PRXL2C: variants seen among roughly 807,000 people sequenced by gnomAD.
PRXL2C encodes peroxiredoxin-like 2C.
Under a neutral mutation model 24.9 loss-of-function variants are expected in PRXL2C, and 38 were observed. The ratio of observed to expected loss-of-function variants is 1.53; its 90% CI spans 1.18 to 2.00. The LOEUF (loss-of-function observed/expected upper bound fraction) is 2.00. PRXL2C is among the 30% of genes most tolerant of loss of function. The pLI, the probability that PRXL2C is intolerant of heterozygous loss-of-function variation, is 0.00. For missense variants in PRXL2C, 294 were observed against 290.9 expected, an observed-to-expected ratio of 1.01 and a Z score of -0.08; for synonymous variants, 98 against 117.2, an observed-to-expected ratio of 0.84 and a Z score of 1.06.
chr9:96,645,224 A>G (rs1036390170), intron 5 of PRXL2C, among the ~76,000 whole-genome samples: 1 of 151,754 alleles, frequency 6.6e-6, no homozygotes, highest in Non-Finnish European at 1.5e-5. Flanking sequence ...CTTTTCTTGA[A>G]AAAAAAGGCA....
chr9:96,645,798 A>G (rs371829650), intron 5 of PRXL2C, 95 bp downstream of exon 5: 3,497 of 307,274 alleles, frequency 0.011, 31 homozygotes, highest in African/African-American at 0.057. Flanking sequence ...CTCCCTCTCG[A>G]AAAAAAAAAA....
At chr9:96,651,211 G>C (rs1848260342) in intron 4 of PRXL2C, among the ~76,000 whole-genome samples, 179 bp downstream of exon 4, 1 of 151,938 alleles carries the variant, frequency 6.6e-6, no homozygotes. Flanking sequence ...CCGGGAGGTG[G>C]AGGTTGCAGT....
chr9:96,642,786 G>A (rs762455827), intron 5 of PRXL2C, among the ~76,000 whole-genome samples: 1 of 151,996 alleles, frequency 6.6e-6, no homozygotes, highest in Admixed American at 6.6e-5. Context: ...CTTGTGATCC[G>A]CCCACCTCGG....
At chr9:96,645,296 T>C (rs1048981431) in intron 5 of PRXL2C, among the ~76,000 whole-genome samples, 1 of 151,192 alleles carries the variant, frequency 6.6e-6, no homozygotes, top group African/African-American at 2.4e-5. Flanking sequence ...AATAGCGGAG[T>C]GTGTGACAGC....
intron 5 of PRXL2C, among the ~76,000 whole-genome samples, chr9:96,645,601 T>C (rs943292983): frequency 2.0e-5 from 3 of 151,576 alleles, no homozygotes; most frequent in African/African-American, 7.3e-5. Flanking sequence ...ACCGAGACCA[T>C]CCTGGCTAAC....
chr9:96,642,914 G>A (rs982789350), intron 5 of PRXL2C, among the ~76,000 whole-genome samples: 3 of 151,956 alleles, frequency 2.0e-5, no homozygotes, highest in Non-Finnish European at 4.4e-5. Context: ...AACAAACCAC[G>A]GATTGAAAAT....
chr9:96,645,845 G>A, intron 5 of PRXL2C, 48 bp downstream of exon 5: 1 of 1,520,808 alleles, frequency 6.6e-7, no homozygotes, highest in Non-Finnish European at 8.8e-7. Context: ...CTCTGAACTT[G>A]TAAAAAGCAC....
chr9:96,647,559 G>A (rs968281573), intron 4 of PRXL2C, among the ~76,000 whole-genome samples: 7 of 152,192 alleles, frequency 4.6e-5, no homozygotes, highest in Non-Finnish European at 8.8e-5. Context: ...GTCATGCTCT[G>A]TTGCTCAGGC....
intron 5 of PRXL2C, among the ~76,000 whole-genome samples, chr9:96,643,241 T>C (rs1848143508): frequency 1.3e-5 from 2 of 151,824 alleles, no homozygotes; most frequent in South Asian, 4.1e-4. Flanking sequence ...ATGTGCTCTT[T>C]CTTCTTTACT....
chr9:96,654,595 G>A (rs1401510345), intron 2 of PRXL2C, 110 bp downstream of exon 2: 20 of 940,800 alleles, frequency 2.1e-5, no homozygotes, highest in Non-Finnish European at 3.1e-5. Context: ...AGAGAGCTGC[G>A]GGGAGGGGCA....
chr9:96,654,772 T>C lies in PRXL2C; in HGVS notation c.194A>G (p.His65Arg), dbSNP rs1848327106. The stretch of plus-strand genomic sequence containing the variant: ...TTCCTTGCAGATGTAACACAGGAAA[T>C]GCTGAAAGCCAAAACGGCAGAAAGG... ...ERRAVVVFVRHFLCYICKEYV... is the reference protein window; with the variant it reads ...ERRAVVVFVRRFLCYICKEYV... The change falls in exon 2 of 6, where the codon CAT becomes CGT. Residue 65 changes from histidine (H) to arginine (R), a missense_variant and splice_region_variant. By Grantham distance (29) the His-to-Arg change is conservative. Coordinates refer to ENST00000375234, the MANE Select transcript of PRXL2C (RefSeq NM_153698.2). 1 of 1,561,034 alleles carries C rather than the reference T, an allele frequency of 6.4e-7. No individual in the cohort carries two copies. The highest frequency in any genetic ancestry group is 1.2e-5 in the South Asian group (1 of 84,582).
chr9:96,642,014 T>A, intron 5 of PRXL2C, 128 bp from the exon 6 acceptor site: 1 of 618,220 alleles, frequency 1.6e-6, no homozygotes, highest in Non-Finnish European at 2.5e-6. Flanking sequence ...TGGAGTGCAT[T>A]ATATTCTCTA....
chr9:96,650,534 G>A (rs1249749369), intron 4 of PRXL2C, among the ~76,000 whole-genome samples: 1 of 152,068 alleles, frequency 6.6e-6, no homozygotes, highest in Admixed American at 6.6e-5. Flanking sequence ...AGTGCAGGGT[G>A]CTGTGAAAGC....
chr9:96,644,876 GGATTCTTTT>G (rs1398792477), intron 5 of PRXL2C, among the ~76,000 whole-genome samples: 7 of 113,704 alleles, frequency 6.2e-5, no homozygotes, highest in African/African-American at 2.1e-4. Context: ...ATAACTACAT[GGATTCTTTT>G]TTTTTTTTTT....
chr9:96,640,139 C>T lies in PRXL2C; in HGVS notation c.*1620G>A, dbSNP rs1441929949. On this transcript the variant is annotated 3_prime_UTR_variant, in exon 6 of 6. Transcript: ENST00000375234. The stretch of plus-strand genomic sequence containing the variant: ...AGAAAAATGAAAGATAACAAGTCTC[C>T]CAAATAAGAGCAGTTTGAGGGTGAG... 6.6e-6 allele frequency: 1 copy of T among 151,710 alleles called. No individual in the cohort carries two copies. The highest frequency in any genetic ancestry group is 2.4e-5 in the African/African-American group (1 of 41,290). The allele number at this position is 151,710 out of a possible 1,614,324, so 9.4% of individuals were successfully genotyped here.
At position 96,654,844 on chromosome 9, in the gene PRXL2C, T is replaced by C. The variant is rs1848329073; in HGVS notation, c.193-71A>G. ...CTCGGGCCCCGAAGGATCCCTGTAC[T>C]TCGCCGTGCGTGACGCGAGCAAAGG... On this transcript the variant is annotated intron_variant, in intron 1 of 5. Transcript: ENST00000375234. The C allele has an allele frequency of 5.5e-6, 8 of 1,448,878 alleles. No individual in the cohort carries two copies. The South Asian group carries it at 8.9e-5, about 16-fold the overall frequency. The allele number at this position is 1,448,878 out of a possible 1,614,324, so 89.8% of individuals were successfully genotyped here.
At chr9:96,642,364 A>G (rs1178290366) in intron 5 of PRXL2C, among the ~76,000 whole-genome samples, 1 of 152,158 alleles carries the variant, frequency 6.6e-6, no homozygotes, top group Non-Finnish European at 1.5e-5. Context: ...GAGGCTCTAA[A>G]ATAAGGCCTT....
rs565273966 is a variant in PRXL2C at position 96,641,887 on chromosome 9, C to T, written c.554-1G>A. ...CGGTGTATAAAATGGATGTTGTTAC[C>T]TAGAAGAGAATAAGAATAAAAGGCT... On this transcript the variant is annotated splice_acceptor_variant, in intron 5 of 5. Coordinates refer to ENST00000375234, the MANE Select transcript of PRXL2C (RefSeq NM_153698.2). LOFTEE classifies it high-confidence loss of function. The T allele has an allele frequency of 9.1e-5, 135 of 1,483,824 alleles. 7 individuals are homozygous for T. The South Asian group carries it at 1.6e-3, about 18-fold the overall frequency. The allele number at this position is 1,483,824 out of a possible 1,614,324, so 91.9% of individuals were successfully genotyped here.
chr9:96,649,513 G>T (rs1037861583), intron 4 of PRXL2C, among the ~76,000 whole-genome samples: 1 of 135,718 alleles, frequency 7.4e-6, no homozygotes, highest in Non-Finnish European at 1.5e-5. Flanking sequence ...GCAGTGAGCC[G>T]AGATCACACC....
Sources: allele counts gnomAD v4.1 joint callset (sites outside exome capture counted in the v4.1 genomes callset), GRCh38; gene constraint gnomAD v4.1.1; transcripts MANE v1.5; gene names NCBI Gene and HGNC (gene_info 2026-07-23, HGNC 2026-07-21).